Variants in H2BC5 observed in about 807,000 individuals in gnomAD.
H2BC5 encodes the protein H2B clustered histone 5, also known as histone H2B type 1-D.
H2BC5 carries 9 observed loss-of-function variants against 5.7 expected under a neutral mutation model. That is an observed-to-expected ratio of 1.57 (90% CI 0.95 to 2.74). The LOEUF is 2.74. Among genes scored for constraint, H2BC5 ranks in the 30% most tolerant of loss-of-function variants. The pLI is 0.00. For missense variants in H2BC5, 175 were observed against 168.8 expected, an observed-to-expected ratio of 1.04 and a Z score of -0.20; for synonymous variants, 133 against 70.9, an observed-to-expected ratio of 1.88 and a Z score of -4.40.
downstream of H2BC5, among the ~76,000 whole-genome samples, chr6:26,162,686 A>T (rs544311069): frequency 1.3e-5 from 2 of 152,138 alleles, no homozygotes; most frequent in East Asian, 3.9e-4. Flanking sequence ...ACAGGCGCAC[A>T]CCACCGCACT....
chr6:26,160,611 G>A (rs2113833733), downstream of H2BC5, among the ~76,000 whole-genome samples: 1 of 151,728 alleles, frequency 6.6e-6, no homozygotes, highest in East Asian at 1.9e-4. Flanking sequence ...GTTCATGCCT[G>A]TAATCCCAGC....
chr6:26,159,475 G>C (rs1346588767), downstream of H2BC5, among the ~76,000 whole-genome samples: 2 of 152,076 alleles, frequency 1.3e-5, no homozygotes, highest in African/African-American at 4.8e-5. Flanking sequence ...GCAGGATGTA[G>C]CTTCTGCTGC....
chr6:26,158,278 AGCTAT>A lies in H2BC5; in HGVS notation c.110_114del (p.Ser37IlefsTer99). On this transcript the variant is annotated frameshift_variant, in exon 1 of 1. Transcript: ENST00000377777. LOFTEE classifies it high-confidence loss of function. Reference sequence around the variant, plus strand: ...GAAGCGCAAGCGCAGCCGCAAGGAGAGCTATTCAGTGTATGTGTACAAGGTGCTGA... The same window carrying A: ...GAAGCGCAAGCGCAGCCGCAAGGAGATCAGTGTATGTGTACAAGGTGCTGA... 4 of 1,614,238 alleles carry A rather than the reference AGCTAT, an allele frequency of 2.5e-6. No individual in the cohort carries two copies. The highest frequency in any genetic ancestry group is 3.4e-6 in the Non-Finnish European group (4 of 1,180,042).
intron 1 of H2BC5, chr6:26,163,696 A>G (rs1174090501): frequency 1.3e-5 from 2 of 152,916 alleles, no homozygotes; most frequent in African/African-American, 4.8e-5. Context: ...AGAAAAAAGA[A>G]AGAGAAAGGG....
intron 1 of H2BC5, among the ~76,000 whole-genome samples, chr6:26,167,350 GC>G (rs1346219533): frequency 4.0e-4 from 61 of 152,210 alleles, no homozygotes; most frequent in African/African-American, 1.5e-3. Flanking sequence ...GTGTGTCTCA[GC>G]CCTGTTAAGG....
chr6:26,160,949 T>C, downstream of H2BC5: 1 of 151,848 alleles, frequency 6.6e-6, no homozygotes, highest in Non-Finnish European at 1.5e-5. Context: ...GGCTCACGCC[T>C]GTAATCCCAG....
chr6:26,166,128 C>T (rs920898360), intron 1 of H2BC5, among the ~76,000 whole-genome samples: 1 of 152,228 alleles, frequency 6.6e-6, no homozygotes, highest in Admixed American at 6.5e-5. Flanking sequence ...CTTTGACCCT[C>T]CTTTTCAACT....
At position 26,158,256 on chromosome 6, in the gene H2BC5, G is replaced by A. The variant is rs114320581; in HGVS notation, c.87G>A (p.Lys29=). ...AGGCTCAGAAGAAGGACGGGAAGAAGCGCAAGCGCAGCCGCAAGGAGAGCT... is the reference window on the plus strand; with the variant it reads ...AGGCTCAGAAGAAGGACGGGAAGAAACGCAAGCGCAGCCGCAAGGAGAGCT... ...VTKAQKKDGK[K]RKRSRKESYS... is the part of the protein sequence containing the mutation. Residue 29 remains lysine (K), a synonymous_variant, in exon 1 of 1, where the codon AAG becomes AAA. Transcript: ENST00000377777. 5.0e-6 allele frequency: 8 copies of A among 1,614,140 alleles called. No individual in the cohort carries two copies. The highest frequency in any genetic ancestry group is 4.0e-5 in the African/African-American group (3 of 74,944).
chr6:26,164,295 A>G (rs1581434870), intron 1 of H2BC5: 1 of 265,584 alleles, frequency 3.8e-6, no homozygotes, highest in Non-Finnish European at 8.1e-6. Context: ...GAAGATGCCA[A>G]GTGGACAAGC....
chr6:26,160,234 T>C (rs1764329800), downstream of H2BC5, among the ~76,000 whole-genome samples: 1 of 152,182 alleles, frequency 6.6e-6, no homozygotes, highest in African/African-American at 2.4e-5. Context: ...AGGCTGGTTT[T>C]GTGCCCCTGA....
At chr6:26,158,702 C>A, downstream of H2BC5, 1 of 1,240,006 alleles carries the variant, frequency 8.1e-7, no homozygotes, top group Non-Finnish European at 1.1e-6. Context: ...GTTAGTACTG[C>A]AGAGGAAATA....
chr6:26,167,385 C>G (rs9366639), intron 1 of H2BC5, among the ~76,000 whole-genome samples: 20,229 of 152,214 alleles, frequency 0.13, 1,736 homozygotes, highest in Non-Finnish European at 0.18. Context: ...TTCACCTGCT[C>G]TTGCACCTGG....
At chr6:26,161,092 CA>C (rs1764345049), downstream of H2BC5, 2 of 152,110 alleles carry the variant, frequency 1.3e-5, no homozygotes, top group Admixed American at 1.3e-4. Context: ...CCTGTAATCT[CA>C]ACTACTCAGG....
At chr6:26,166,254 A>C (rs1234071170) in intron 1 of H2BC5, among the ~76,000 whole-genome samples, 1 of 151,886 alleles carries the variant, frequency 6.6e-6, no homozygotes, top group Non-Finnish European at 1.5e-5. Flanking sequence ...CTTGCCTTTG[A>C]CCTCCCAGTG....
At chr6:26,165,286 T>C (rs1487139339) in intron 1 of H2BC5, among the ~76,000 whole-genome samples, 1 of 152,212 alleles carries the variant, frequency 6.6e-6, no homozygotes, top group Admixed American at 6.5e-5. Flanking sequence ...GTGCCTGGTC[T>C]TGGACTCCCT....
chr6:26,162,036 C>CA (rs1255205740), downstream of H2BC5, among the ~76,000 whole-genome samples: 1 of 151,910 alleles, frequency 6.6e-6, no homozygotes, highest in Non-Finnish European at 1.5e-5. Context: ...AAAAATGATA[C>CA]AAAAAAAGGG....
chr6:26,165,885 T>C (rs1764414610), intron 1 of H2BC5, among the ~76,000 whole-genome samples: 1 of 152,184 alleles, frequency 6.6e-6, no homozygotes, highest in Non-Finnish European at 1.5e-5. Context: ...GGAAAATAGA[T>C]GTGGACATAG....
chr6:26,165,765 G>A (rs1241025755), intron 1 of H2BC5, among the ~76,000 whole-genome samples: 2 of 152,170 alleles, frequency 1.3e-5, no homozygotes, highest in African/African-American at 4.8e-5. Flanking sequence ...TCCCCCCTCT[G>A]TAAGCCATCT....
intron 1 of H2BC5, among the ~76,000 whole-genome samples, chr6:26,166,692 C>CTTTTTT (rs139697089): frequency 1.8e-4 from 16 of 90,162 alleles, no homozygotes; most frequent in Non-Finnish European, 2.7e-4. Flanking sequence ...ATACTTTTGG[C>CTTTTTT]TTTTTTTTTT....
Sources: gnomAD v4.1 joint callset for allele counts (sites outside exome capture counted in the v4.1 genomes callset) on GRCh38, gnomAD v4.1.1 for gene constraint, MANE v1.5 for transcripts, NCBI Gene and HGNC (gene_info 2026-07-23, HGNC 2026-07-21) for gene names.